The following ERC1 variants were observed in gnomAD, a reference collection of about 807,000 sequenced individuals.
The protein encoded by ERC1 is RAB6 interacting protein 2.
A neutral mutation model predicts 132.0 loss-of-function variants in ERC1; 56 were observed. The ratio of observed to expected loss-of-function variants is 0.42; its 90% CI spans 0.34 to 0.53. The LOEUF is 0.53. Among genes scored for constraint, ERC1 ranks in the 20% least tolerant of loss-of-function variants. The pLI, the probability that ERC1 is intolerant of heterozygous loss-of-function variation, is 0.03. For synonymous variants in ERC1, 478 were observed against 476.1 expected, an observed-to-expected ratio of 1.00 and a Z score of -0.05; for missense variants, 1,202 against 1,349.9, an observed-to-expected ratio of 0.89 and a Z score of 1.72.
intron 2 of ERC1, among the ~76,000 whole-genome samples, chr12:1,048,118 CAA>C (rs1266998090): frequency 6.6e-6 from 1 of 152,182 alleles, no homozygotes; most frequent in Non-Finnish European, 1.5e-5. Context: ...TTGACTTTCT[CAA>C]AGTGTTGACT....
At chr12:1,170,913 A>G (rs889776529) in intron 8 of ERC1, among the ~76,000 whole-genome samples, 1 of 152,232 alleles carries the variant, frequency 6.6e-6, no homozygotes, top group African/African-American at 2.4e-5. Context: ...AAAATATAGT[A>G]GTATTCTGGT....
At chr12:1,356,626 TTA>T (rs2085568300) in intron 15 of ERC1, among the ~76,000 whole-genome samples, 3 of 152,248 alleles carry the variant, frequency 2.0e-5, no homozygotes, top group African/African-American at 7.2e-5. Flanking sequence ...TCCCATCTTT[TTA>T]TGTCTACTTT....
At chr12:1,376,150 T>G (rs1480519018) in intron 16 of ERC1, among the ~76,000 whole-genome samples, 1 of 152,232 alleles carries the variant, frequency 6.6e-6, no homozygotes. Flanking sequence ...AGAACGTATT[T>G]CTCAGGGCAG....
chr12:1,444,642 TG>T lies in ERC1; in HGVS notation c.3106del (p.Asp1036ThrfsTer5), dbSNP rs1259999887. The T allele has an allele frequency of 6.2e-7, 1 of 1,614,112 alleles. No homozygotes were observed. ...YIGHLTTLCHDRDPLILRGLT... is the reference protein window; with the variant it reads ...YIGHLTTLCHXRDPLILRGLT... ...TTGGACACCTGACAACCCTCTGCCA[TG>T]ACCGAGACCCCCTGATCCTCCGTGG... On this transcript the variant is annotated frameshift_variant, in exon 18 of 19. Coordinates refer to ENST00000360905, the MANE Select transcript of ERC1 (RefSeq NM_178040.4). LOFTEE classifies it high-confidence loss of function.
At chr12:1,453,516 C>T (rs73599903) in intron 18 of ERC1, among the ~76,000 whole-genome samples, 4,579 of 152,226 alleles carry the variant, frequency 0.03, 221 homozygotes, top group African/African-American at 0.1. Flanking sequence ...TGTCAAGCTC[C>T]CTGTCATTCT....
rs1007886432 is a variant in ERC1 at position 1,203,180 on chromosome 12, C to T, written c.2351+13128C>T. Among the ~76,000 whole-genome samples, 4 of 152,342 alleles carry T rather than the reference C, an allele frequency of 2.6e-5. No homozygotes were observed. The East Asian group carries it at 5.8e-4, about 22-fold the overall frequency. On this transcript the variant is annotated intron_variant, in intron 12 of 18. Transcript: ENST00000360905. ...TCAACCGATTCTTGTGCCTCAGCCT[C>T]CTGAGTACCTGGGACTACAGGCGTG...
chr12:1,304,808 G>C (rs1348689154), intron 15 of ERC1, among the ~76,000 whole-genome samples: 1 of 4,174 alleles, frequency 2.4e-4, no homozygotes, highest in Non-Finnish European at 1.1e-3. Context: ...TTTTTTTTTT[G>C]AGACGGAGTC....
intron 18 of ERC1, chr12:1,445,154 G>A (rs534153924): frequency 3.2e-5 from 5 of 158,308 alleles, no homozygotes; most frequent in African/African-American, 9.8e-5. Context: ...TGTGTGTGGT[G>A]AAAACACTTT....
At chr12:1,014,480 A>G (rs1965199898) in intron 1 of ERC1, among the ~76,000 whole-genome samples, 1 of 152,124 alleles carries the variant, frequency 6.6e-6, no homozygotes, top group Non-Finnish European at 1.5e-5. Flanking sequence ...CAGGCCAAAA[A>G]AAGTAAAGTA....
chr12:1,258,250 G>A (rs143166412), intron 13 of ERC1, among the ~76,000 whole-genome samples: 89 of 152,244 alleles, frequency 5.8e-4, no homozygotes, highest in Non-Finnish European at 1.0e-3. Flanking sequence ...GGGATAGGAG[G>A]AATTAGGGAT....
chr12:1,269,739 C>T (rs976374525), intron 14 of ERC1, among the ~76,000 whole-genome samples: 2 of 152,296 alleles, frequency 1.3e-5, no homozygotes, highest in East Asian at 3.9e-4. Context: ...CACATGGGCA[C>T]AGGCTCTCAG....
chr12:1,401,767 G>A (rs867745219), intron 16 of ERC1, among the ~76,000 whole-genome samples: 39 of 132,522 alleles, frequency 2.9e-4, no homozygotes, highest in Non-Finnish European at 3.8e-4. Flanking sequence ...AAAAAAAAAA[G>A]AGTATTTTTA....
intron 15 of ERC1, among the ~76,000 whole-genome samples, chr12:1,331,648 T>C (rs191606631): frequency 1.3e-5 from 2 of 152,146 alleles, no homozygotes; most frequent in Admixed American, 1.3e-4. Flanking sequence ...GGACAGGAGG[T>C]GAGTACACGA....
At chr12:1,180,489 G>GT (rs1954323721) in intron 8 of ERC1, 51 bp from the exon 9 acceptor site, 3 of 1,564,148 alleles carry the variant, frequency 1.9e-6, no homozygotes, top group African/African-American at 1.4e-5. Context: ...TTGTGCTATT[G>GT]TTTTTTTATA....
intron 16 of ERC1, among the ~76,000 whole-genome samples, chr12:1,404,297 T>C (rs1307780256): frequency 6.6e-6 from 1 of 152,098 alleles, no homozygotes; most frequent in African/African-American, 2.4e-5. Context: ...ATTTATTTAC[T>C]CATCCATTTA....
At chr12:1,273,227 T>G (rs1450432021) in intron 14 of ERC1, among the ~76,000 whole-genome samples, 3 of 152,236 alleles carry the variant, frequency 2.0e-5, no homozygotes, top group Non-Finnish European at 2.9e-5. Flanking sequence ...TTTGTAATCT[T>G]AAATTGGAAT....
chr12:1,243,247 G>A (rs1185439381), intron 13 of ERC1, among the ~76,000 whole-genome samples: 2 of 151,506 alleles, frequency 1.3e-5, no homozygotes, highest in African/African-American at 4.8e-5. Flanking sequence ...TAAAATATAT[G>A]CGAAGATGTG....
intron 15 of ERC1, among the ~76,000 whole-genome samples, chr12:1,341,296 C>T (rs147004929): frequency 0.01 from 1,528 of 151,650 alleles, 33 homozygotes; most frequent in African/African-American, 0.035. Context: ...AGGGTTTCGC[C>T]ATGTTCACCA....
At chr12:1,014,377 T>C (rs1428603304) in intron 1 of ERC1, among the ~76,000 whole-genome samples, 1 of 152,080 alleles carries the variant, frequency 6.6e-6, no homozygotes, top group African/African-American at 2.4e-5. Flanking sequence ...GGTTTCACCA[T>C]GTTGCCCAGG....
Sources: allele counts gnomAD v4.1 joint callset (sites outside exome capture counted in the v4.1 genomes callset), GRCh38; gene constraint gnomAD v4.1.1; transcripts MANE v1.5; gene names NCBI Gene and HGNC (gene_info 2026-07-23, HGNC 2026-07-21).